The following IL23R variants were observed in gnomAD, a reference collection of about 807,000 sequenced individuals.
IL23R encodes interleukin-23 receptor.
In IL23R, 34 loss-of-function variants were observed where a neutral mutation model predicts 56.9. The ratio of observed to expected loss-of-function variants is 0.60; its 90% CI spans 0.45 to 0.80. The LOEUF is 0.80. Among genes scored for constraint, IL23R ranks in the 30% least tolerant of loss-of-function variants. The pLI is 0.00. For missense variants in IL23R, 635 were observed against 730.0 expected (o/e 0.87, Z 1.50); for synonymous variants, 230 against 249.2 (o/e 0.92, Z 0.73).
chr1:67,263,986 C>T (rs756821129), downstream of IL23R, among the ~76,000 whole-genome samples: 7 of 152,178 alleles, frequency 4.6e-5, no homozygotes, highest in Non-Finnish European at 7.4e-5. Flanking sequence ...CTCTCTTCTC[C>T]GCCCTTGCCT....
At chr1:67,199,711 TG>T (rs921621003) in intron 4 of IL23R, among the ~76,000 whole-genome samples, 25 of 152,282 alleles carry the variant, frequency 1.6e-4, no homozygotes, top group Middle Eastern at 3.4e-3. Context: ...ATACGCTCAT[TG>T]TTTTTTTAAT....
At chr1:67,203,923 G>T (rs1481554709) in intron 5 of IL23R, among the ~76,000 whole-genome samples, 1 of 152,130 alleles carries the variant, frequency 6.6e-6, no homozygotes, top group African/African-American at 2.4e-5. Context: ...TGTGCTTTCT[G>T]CCTGCCATTT....
chr1:67,151,262 T>C (rs1032067905), intron 1 of IL23R, among the ~76,000 whole-genome samples: 1 of 152,252 alleles, frequency 6.6e-6, no homozygotes, highest in South Asian at 2.1e-4. Flanking sequence ...TTTTGAGAAA[T>C]GTCTGTTCAT....
intron 1 of IL23R, among the ~76,000 whole-genome samples, chr1:67,157,925 AT>A (rs1212994452): frequency 6.6e-6 from 1 of 152,144 alleles, no homozygotes; most frequent in Non-Finnish European, 1.5e-5. Context: ...CTCAAGAAAT[AT>A]TTTCTGAGTC....
intron 4 of IL23R, among the ~76,000 whole-genome samples, chr1:67,185,481 G>A (rs910511221): frequency 1.4e-4 from 21 of 151,884 alleles, no homozygotes; most frequent in Admixed American, 1.1e-3. Context: ...GGTCTCTGTC[G>A]CCCAGGCTGG....
intron 8 of IL23R, 111 bp downstream of exon 8, chr1:67,236,913 GCCTTATGTCTT>G: frequency 1.4e-6 from 1 of 731,636 alleles, no homozygotes; most frequent in South Asian, 1.5e-5. Context: ...AATAAGATAT[GCCTTATGTCTT>G]CCATAGGAAA....
At chr1:67,147,027 C>T (rs1646685676) in intron 1 of IL23R, among the ~76,000 whole-genome samples, 1 of 152,066 alleles carries the variant, frequency 6.6e-6, no homozygotes, top group Non-Finnish European at 1.5e-5. Context: ...GTACAGGCCC[C>T]AAGACAGAAC....
At chr1:67,230,299 G>T (rs1651013779) in intron 7 of IL23R, among the ~76,000 whole-genome samples, 1 of 152,224 alleles carries the variant, frequency 6.6e-6, no homozygotes, top group African/African-American at 2.4e-5. Flanking sequence ...TGCCCACAAA[G>T]AAGTATATCC....
intron 1 of IL23R, among the ~76,000 whole-genome samples, chr1:67,144,502 CT>C (rs1247298848): frequency 6.6e-6 from 1 of 152,144 alleles, no homozygotes; most frequent in Non-Finnish European, 1.5e-5. Flanking sequence ...TCTTCTTAAG[CT>C]ACTTAAAATG....
At chr1:67,204,450 T>G (rs1004820) in intron 5 of IL23R, among the ~76,000 whole-genome samples, 56,104 of 152,030 alleles carry the variant, frequency 0.37, 11,355 homozygotes, top group Admixed American at 0.5. Context: ...TAAATGCCAG[T>G]TTGCAAAAAT....
intron 8 of IL23R, 109 bp from the exon 9 acceptor site, chr1:67,240,070 C>A: frequency 1.2e-6 from 1 of 829,518 alleles, no homozygotes; most frequent in Non-Finnish European, 2.0e-6. Context: ...CTTCCCCCCA[C>A]CCTTTCTCCT....
chr1:67,204,769 ATT>A (rs5774856), intron 5 of IL23R, among the ~76,000 whole-genome samples: 5 of 143,802 alleles, frequency 3.5e-5, no homozygotes, highest in African/African-American at 1.3e-4. Context: ...CTCAATACTG[ATT>A]TTTTTTTTTT....
chr1:67,167,317 G>A (rs964081632), intron 1 of IL23R, among the ~76,000 whole-genome samples: 3 of 152,052 alleles, frequency 2.0e-5, no homozygotes, highest in South Asian at 2.1e-4. Context: ...GCAATCCACC[G>A]GCCTCTGCCT....
rs529696659 is a variant in IL23R at position 67,207,754 on chromosome 1, G to A, written c.798+699G>A. The A allele has an allele frequency of 9.0e-5, 20 of 223,068 alleles. No individual in the cohort carries two copies. The East Asian group carries it at 1.1e-3, about 12-fold the overall frequency. The allele number at this position is 223,068 out of a possible 1,614,324, so 13.8% of individuals were successfully genotyped here. A position where few individuals can be genotyped will look rare whatever the true frequency, so the allele number is the denominator to read the frequency against. ...AGTCTTGGGTATGTCTTTATCATTA[G>A]CATGAAAATGGATTAATACAGTAAA... On this transcript the variant is annotated intron_variant, in intron 6 of 10. Transcript: ENST00000347310.
chr1:67,251,124 A>G (rs1652578948), intron 9 of IL23R, among the ~76,000 whole-genome samples: 1 of 151,788 alleles, frequency 6.6e-6, no homozygotes, highest in Admixed American at 6.6e-5. Context: ...AGAAGAAAAA[A>G]CCTTTTTCAG....
chr1:67,187,347 C>A (rs906862763), intron 4 of IL23R, among the ~76,000 whole-genome samples: 1 of 152,154 alleles, frequency 6.6e-6, no homozygotes, highest in Non-Finnish European at 1.5e-5. Flanking sequence ...ATTGCAAATT[C>A]CAGACAGATG....
intron 4 of IL23R, among the ~76,000 whole-genome samples, chr1:67,200,447 G>A (rs1648538869): frequency 6.7e-6 from 1 of 148,298 alleles, no homozygotes; most frequent in Non-Finnish European, 1.5e-5. Context: ...AGGCTGGAGT[G>A]AATGGCGTGA....
intron 6 of IL23R, among the ~76,000 whole-genome samples, chr1:67,215,366 C>T (rs1236032841): frequency 6.6e-6 from 1 of 152,188 alleles, no homozygotes; most frequent in Non-Finnish European, 1.5e-5. Flanking sequence ...CTGGCTCACT[C>T]CTATGTCTTT....
chr1:67,254,091 C>T (rs377321202), intron 9 of IL23R, among the ~76,000 whole-genome samples: 4 of 151,886 alleles, frequency 2.6e-5, no homozygotes, highest in East Asian at 3.8e-4. Flanking sequence ...TTTTTTGAGA[C>T]AGAGTCTCGC....
Sources: allele counts gnomAD v4.1 joint callset (sites outside exome capture counted in the v4.1 genomes callset), GRCh38; gene constraint gnomAD v4.1.1; transcripts MANE v1.5; gene names NCBI Gene and HGNC (gene_info 2026-07-23, HGNC 2026-07-21).